The following STX6 variants were observed in gnomAD, a reference collection of about 807,000 sequenced individuals.
The protein encoded by STX6 is syntaxin-6.
A neutral mutation model predicts 38.0 loss-of-function variants in STX6; 23 were observed. The observed-to-expected ratio is 0.60, with a 90% CI of 0.43 to 0.86. The LOEUF (loss-of-function observed/expected upper bound fraction) is 0.86. STX6 is among the 40% of genes least tolerant of loss of function. The pLI is 0.00. For synonymous variants in STX6, 123 were observed against 107.5 expected, an observed-to-expected ratio of 1.14 and a Z score of -0.89; for missense variants, 274 against 312.9, an observed-to-expected ratio of 0.88 and a Z score of 0.94.
chr1:181,018,117 G>A (rs2102335475), intron 1 of STX6, among the ~76,000 whole-genome samples: 1 of 152,206 alleles, frequency 6.6e-6, no homozygotes, highest in South Asian at 2.1e-4. Context: ...AGGCGCGGTG[G>A]CTCATGCCTA....
chr1:181,004,801 G>A (rs985405618), intron 2 of STX6, among the ~76,000 whole-genome samples: 4 of 152,054 alleles, frequency 2.6e-5, no homozygotes, highest in Admixed American at 6.6e-5. Context: ...AGTTGGAAGC[G>A]CTGGTCACAA....
intron 1 of STX6, among the ~76,000 whole-genome samples, chr1:181,022,292 A>G (rs6700329): frequency 6.6e-6 from 1 of 152,058 alleles, no homozygotes; most frequent in Non-Finnish European, 1.5e-5. Flanking sequence ...GCAAGATCCC[A>G]TGCTCGACTA....
chr1:181,004,200 T>C (rs1389808883), intron 2 of STX6, among the ~76,000 whole-genome samples: 2 of 152,200 alleles, frequency 1.3e-5, no homozygotes, highest in South Asian at 2.1e-4. Context: ...CCAAGTCACA[T>C]GGTAACTGGT....
At chr1:180,988,484 A>G in intron 5 of STX6, 139 bp from the exon 6 acceptor site, 1 of 636,132 alleles carries the variant, frequency 1.6e-6, no homozygotes. Flanking sequence ...TCAAAGGACC[A>G]GACCGTTGCC....
chr1:180,978,197 G>C (rs184242063), intron 7 of STX6, among the ~76,000 whole-genome samples: 1 of 152,148 alleles, frequency 6.6e-6, no homozygotes, highest in Non-Finnish European at 1.5e-5. Context: ...TCACTCTGTC[G>C]TAACAAGTAA....
At chr1:181,011,419 G>C (rs1656394889) in intron 1 of STX6, among the ~76,000 whole-genome samples, 2 of 152,188 alleles carry the variant, frequency 1.3e-5, no homozygotes, top group South Asian at 4.1e-4. Context: ...ACTGGAAGCA[G>C]AAAACAATGT....
chr1:181,018,712 C>T (rs564369314), intron 1 of STX6, among the ~76,000 whole-genome samples: 2 of 152,292 alleles, frequency 1.3e-5, no homozygotes, highest in South Asian at 4.1e-4. Flanking sequence ...GCACTAACCA[C>T]TGCATGTATA....
At chr1:180,983,205 A>T (rs760656267) in intron 7 of STX6, among the ~76,000 whole-genome samples, 2 of 152,250 alleles carry the variant, frequency 1.3e-5, no homozygotes, top group Non-Finnish European at 2.9e-5. Flanking sequence ...CCTATGAGTT[A>T]AACTTCTGAA....
intron 1 of STX6, among the ~76,000 whole-genome samples, chr1:181,017,214 G>A (rs527515043): frequency 2.0e-5 from 3 of 151,184 alleles, no homozygotes; most frequent in East Asian, 1.9e-4. Context: ...GTGAAACCCC[G>A]TATCTACTGA....
chr1:181,003,810 C>T (rs1656150205), intron 2 of STX6, among the ~76,000 whole-genome samples: 1 of 152,194 alleles, frequency 6.6e-6, no homozygotes, highest in Non-Finnish European at 1.5e-5. Context: ...GAAGTTTTTA[C>T]AGTTCTCCAG....
intron 1 of STX6, among the ~76,000 whole-genome samples, chr1:181,019,281 C>T (rs115649050): frequency 0.011 from 1,729 of 151,022 alleles, 15 homozygotes; most frequent in Middle Eastern, 0.054. Context: ...CCATCACAAT[C>T]ACCACCATCA....
chr1:181,009,655 A>C (rs187722636), intron 1 of STX6, among the ~76,000 whole-genome samples: 15 of 152,318 alleles, frequency 9.8e-5, no homozygotes, highest in Non-Finnish European at 4.4e-5. Context: ...ACATGCTGGA[A>C]AGGTGGTGGG....
chr1:181,005,370 G>A lies in STX6; in HGVS notation c.129C>T (p.Ile43=), dbSNP rs146443317. ...TTCTCAGCTCGTTGGTGGTCCAGTCGATTTCTTCCCTTGTTGCTGTGGAGG... is the reference window on the plus strand; with the variant it reads ...TTCTCAGCTCGTTGGTGGTCCAGTCAATTTCTTCCCTTGTTGCTGTGGAGG... ...QDPSTATREE[I]DWTTNELRNN... Residue 43 remains isoleucine (I), a synonymous_variant, in exon 2 of 8, where the codon ATC becomes ATT. Coordinates refer to ENST00000258301, the MANE Select transcript of STX6 (RefSeq NM_005819.6). 2.1e-5 allele frequency: 34 copies of A among 1,614,072 alleles called. No individual in the cohort carries two copies. In the African/African-American group the frequency reaches 3.1e-4, roughly 15 times the overall value.
At chr1:181,022,233 G>T (rs1201364628) in intron 1 of STX6, among the ~76,000 whole-genome samples, 1 of 152,108 alleles carries the variant, frequency 6.6e-6, no homozygotes, top group East Asian at 1.9e-4. Context: ...CAAAGCTCAG[G>T]AGGGCCATTT....
chr1:180,990,195 A>G, intron 4 of STX6, 86 bp from the exon 5 acceptor site: 1 of 1,532,874 alleles, frequency 6.5e-7, no homozygotes, highest in Non-Finnish European at 8.9e-7. Context: ...TGATATAAAG[A>G]GTTTTCACAT....
At chr1:181,022,506 C>T in intron 1 of STX6, 133 bp downstream of exon 1, 1 of 894,684 alleles carries the variant, frequency 1.1e-6, no homozygotes, top group Non-Finnish European at 1.8e-6. Flanking sequence ...GCCCTCAAGA[C>T]TAAGCCGTCT....
intron 1 of STX6, among the ~76,000 whole-genome samples, chr1:181,006,407 G>A (rs963498672): frequency 1.3e-5 from 2 of 150,308 alleles, no homozygotes; most frequent in African/African-American, 4.9e-5. Context: ...AGGCCATTAA[G>A]TGCTATGATC....
At chr1:180,982,588 C>T (rs981526049) in intron 7 of STX6, among the ~76,000 whole-genome samples, 17 of 152,154 alleles carry the variant, frequency 1.1e-4, no homozygotes, top group African/African-American at 3.4e-4. Context: ...TTATTCATAC[C>T]CAGAATGCTG....
In STX6 at chr1:181,022,846, C is replaced by G. The variant is rs1558103870; in HGVS notation, c.-173G>C. ...GCACAGGACGGCCGCTGGTCCAGCACTCGCTCAGCACCACTGGCCGAATCC... is the reference window on the plus strand; with the variant it reads ...GCACAGGACGGCCGCTGGTCCAGCAGTCGCTCAGCACCACTGGCCGAATCC... On this transcript the variant is annotated 5_prime_UTR_variant, in exon 1 of 8. Coordinates refer to ENST00000258301, the MANE Select transcript of STX6 (RefSeq NM_005819.6). The G allele has an allele frequency of 3.2e-6, 2 of 623,498 alleles. No individual in the cohort carries two copies. Among genetic ancestry groups the G allele is most frequent in the African/African-American group, 1.9e-5 (1 of 52,484 alleles). 38.6% of individuals were successfully genotyped at this position (623,498 alleles called of 1,614,324 possible).
Sources: allele counts gnomAD v4.1 joint callset (sites outside exome capture counted in the v4.1 genomes callset), GRCh38; gene constraint gnomAD v4.1.1; transcripts MANE v1.5; gene names NCBI Gene and HGNC (gene_info 2026-07-23, HGNC 2026-07-21).